Variants in MTA3 observed in about 807,000 individuals in gnomAD.
MTA3 encodes metastasis-associated protein MTA3.
A neutral mutation model predicts 83.5 loss-of-function variants in MTA3; 34 were observed. The observed-to-expected ratio is 0.41, with a 90% CI of 0.31 to 0.54. The LOEUF is 0.54. Among genes scored for constraint, MTA3 ranks in the 20% least tolerant of loss-of-function variants. The pLI, the probability that MTA3 is intolerant of heterozygous loss-of-function variation, is 0.33. For missense variants in MTA3, 761 were observed against 726.4 expected (o/e 1.05, Z -0.55); for synonymous variants, 303 against 252.7 (o/e 1.20, Z -1.89).
chr2:42,717,393 A>G (rs1033501548), intron 14 of MTA3, among the ~76,000 whole-genome samples: 1 of 152,154 alleles, frequency 6.6e-6, no homozygotes, highest in Non-Finnish European at 1.5e-5. Flanking sequence ...ACATAGTAGA[A>G]TCATACAGGT....
intron 2 of MTA3, among the ~76,000 whole-genome samples, chr2:42,529,970 G>A (rs1369357985): frequency 3.9e-5 from 6 of 151,924 alleles, no homozygotes; most frequent in South Asian, 4.2e-4. Context: ...GGAGGATCAC[G>A]AGGTCAGGAG....
intron 12 of MTA3, among the ~76,000 whole-genome samples, chr2:42,706,784 G>C (rs1666129141): frequency 6.6e-6 from 1 of 152,182 alleles, no homozygotes; most frequent in Non-Finnish European, 1.5e-5. Flanking sequence ...AATCATCTGA[G>C]TTTTAGGCCT....
intron 3 of MTA3, among the ~76,000 whole-genome samples, chr2:42,594,849 C>T (rs1416682247): frequency 3.5e-5 from 5 of 144,666 alleles, no homozygotes; most frequent in East Asian, 2.0e-4. Context: ...GCCTCAGCCT[C>T]CCAAGTAGCT....
At chr2:42,554,359 C>T (rs529546548) in intron 2 of MTA3, among the ~76,000 whole-genome samples, 10 of 152,328 alleles carry the variant, frequency 6.6e-5, no homozygotes, top group South Asian at 2.1e-4. Flanking sequence ...CTATGGTGCT[C>T]GATGTAAGAA....
chr2:42,734,286 C>T (rs2104568591), intron 16 of MTA3, among the ~76,000 whole-genome samples: 1 of 147,852 alleles, frequency 6.8e-6, no homozygotes, highest in East Asian at 2.0e-4. Flanking sequence ...TAAAAATGAC[C>T]TTCTTTGTCT....
At chr2:42,544,283 T>TA (rs1676656885) in intron 2 of MTA3, among the ~76,000 whole-genome samples, 1 of 151,724 alleles carries the variant, frequency 6.6e-6, no homozygotes, top group African/African-American at 2.4e-5. Context: ...TCGTCTCTAC[T>TA]AAAAATACAA....
intron 15 of MTA3, among the ~76,000 whole-genome samples, chr2:42,720,534 A>G (rs1188645600): frequency 2.0e-5 from 3 of 152,132 alleles, no homozygotes; most frequent in African/African-American, 7.2e-5. Flanking sequence ...TCCCCTGAAA[A>G]TGTCACATGG....
At chr2:42,717,907 G>A (rs894856235) in intron 14 of MTA3, among the ~76,000 whole-genome samples, 6 of 152,188 alleles carry the variant, frequency 3.9e-5, no homozygotes, top group South Asian at 2.1e-4. Context: ...TCAATCTTAC[G>A]TTAAGACTGA....
chr2:42,697,369 A>G (rs1217366490), intron 10 of MTA3, among the ~76,000 whole-genome samples: 2 of 152,136 alleles, frequency 1.3e-5, no homozygotes, highest in African/African-American at 2.4e-5. Flanking sequence ...ATCTCTGAAT[A>G]TTTTTCTAAA....
At chr2:42,702,696 A>G (rs1371746080) in intron 11 of MTA3, 1 of 152,224 alleles carries the variant, frequency 6.6e-6, no homozygotes, top group Non-Finnish European at 1.5e-5. Flanking sequence ...GAGGTCAGAG[A>G]CTTATTTATT....
chr2:42,667,352 T>G (rs990246541), intron 8 of MTA3, among the ~76,000 whole-genome samples: 1 of 152,142 alleles, frequency 6.6e-6, no homozygotes, highest in Non-Finnish European at 1.5e-5. Flanking sequence ...CATCCATCTC[T>G]GGAACATTTT....
intron 3 of MTA3, among the ~76,000 whole-genome samples, chr2:42,579,535 T>A (rs1445518415): frequency 4.0e-5 from 6 of 151,294 alleles, no homozygotes; most frequent in Non-Finnish European, 7.4e-5. Context: ...CAAGTGAGCC[T>A]CCTGCCTCAT....
At chr2:42,583,628 A>G (rs1351562426) in intron 3 of MTA3, among the ~76,000 whole-genome samples, 1 of 151,370 alleles carries the variant, frequency 6.6e-6, no homozygotes, top group Non-Finnish European at 1.5e-5. Context: ...TCCCTGGTTC[A>G]AGCAATTCTC....
At chr2:42,515,691 C>T (rs1675113266) in intron 2 of MTA3, among the ~76,000 whole-genome samples, 2 of 151,592 alleles carry the variant, frequency 1.3e-5, no homozygotes, top group African/African-American at 4.8e-5. Context: ...TTAGTAGAGA[C>T]AGGGTTTCAC....
intron 2 of MTA3, among the ~76,000 whole-genome samples, chr2:42,513,518 T>A (rs1674993874): frequency 6.6e-6 from 1 of 152,184 alleles, no homozygotes; most frequent in Non-Finnish European, 1.5e-5. Context: ...TAAAGCCTCC[T>A]GGCCAATAGT....
Position 42,659,855 on chromosome 2 carries a change from T to C in MTA3, c.695T>C (p.Ile232Thr). The change falls in exon 8 of 17, where the codon ATC becomes ACC. Residue 232 changes from isoleucine to threonine, a missense_variant. By Grantham distance (89) the Ile-to-Thr change is moderately conservative. Coordinates refer to ENST00000405094, the MANE Select transcript of MTA3 (RefSeq NM_001330442.2). Reference sequence around the variant, plus strand: ...AGTGCTGCTGCAGCTTCCCGAGACATCACCTTGGTAAGACATGGTTTGAAA... The same window carrying C: ...AGTGCTGCTGCAGCTTCCCGAGACACCACCTTGGTAAGACATGGTTTGAAA... ...HMSAAAASRD[I>T]TLFHAMDTLY... is the part of the protein sequence containing the mutation. The C allele has an allele frequency of 1.3e-6, 2 of 1,599,986 alleles. No individual in the cohort carries two copies. The highest frequency in any genetic ancestry group is 1.7e-6 in the Non-Finnish European group (2 of 1,173,514).
In MTA3 at chr2:42,551,068, TAAATA is replaced by T. The variant is rs1558430311; in HGVS notation, c.-140-19366_-140-19362del. 8.7e-3 allele frequency among the ~76,000 whole-genome samples: 1,306 copies of T among 150,928 alleles called. 17 individuals are homozygous for T. The highest frequency in any genetic ancestry group is 0.03 in the African/African-American group (1,222 of 41,140). On this transcript the variant is annotated intron_variant, in intron 2 of 17. Transcript: ENST00000405592. ...CTGACTAAATAAATAAATAAATAAA[TAAATA>T]AATAAATAAATAAATTAAAATTTAT... is the stretch of plus-strand genomic sequence containing the variant.
chr2:42,526,136 C>T (rs1392769401), intron 2 of MTA3, among the ~76,000 whole-genome samples: 1 of 152,182 alleles, frequency 6.6e-6, no homozygotes, highest in Non-Finnish European at 1.5e-5. Flanking sequence ...ATGCTCTAAT[C>T]CCAAGAGTCC....
intron 16 of MTA3, among the ~76,000 whole-genome samples, chr2:42,737,883 T>G (rs778170237): frequency 1.3e-5 from 2 of 152,172 alleles, no homozygotes; most frequent in Non-Finnish European, 2.9e-5. Flanking sequence ...TCAGAGATAC[T>G]ATTGAGTTCA....
Sources: allele counts gnomAD v4.1 joint callset (sites outside exome capture counted in the v4.1 genomes callset), GRCh38; gene constraint gnomAD v4.1.1; transcripts MANE v1.5; gene names NCBI Gene and HGNC (gene_info 2026-07-23, HGNC 2026-07-21).